Variants in LRRC19 observed in about 807,000 individuals in gnomAD.
LRRC19 encodes the protein leucine-rich repeat-containing protein 19.
A neutral mutation model predicts 33.3 loss-of-function variants in LRRC19; 33 were observed. The ratio of observed to expected loss-of-function variants is 0.99; its 90% CI spans 0.75 to 1.33. LRRC19 has a LOEUF of 1.33. LRRC19 is among the 40% of genes most tolerant of loss of function. The pLI, the probability that LRRC19 is intolerant of heterozygous loss-of-function variation, is 0.00. For synonymous variants in LRRC19, 184 were observed against 152.3 expected (o/e 1.21, Z -1.53); for missense variants, 463 against 417.3 (o/e 1.11, Z -0.95).
At chr9:26,997,451 A>T (rs1273758101) in intron 3 of LRRC19, among the ~76,000 whole-genome samples, 1 of 148,474 alleles carries the variant, frequency 6.7e-6, no homozygotes, top group South Asian at 2.1e-4. Flanking sequence ...CTCCCACCTC[A>T]GCCTCCTGAG....
chr9:26,999,770 CTTTTTTTTTTTT>C, intron 1 of LRRC19, 67 bp from the exon 2 acceptor site: 4 of 339,604 alleles, frequency 1.2e-5, no homozygotes, highest in East Asian at 7.9e-5. Context: ...TCTGTTTATT[CTTTTTTTTTTTT>C]TTTTTTTTTG....
chr9:26,999,691 T>G lies in LRRC19; in HGVS notation c.4A>C (p.Lys2Gln). Residue 2 changes from lysine to glutamine, a missense_variant, in exon 2 of 5, where the codon AAA (lysine) becomes CAA (glutamine). Transcript: ENST00000380055. The part of the protein sequence containing the change: M[K>Q]VTGITILFWP... ...AAGAGGATTGTGATGCCTGTGACTT[T>G]CATGTTGCAGACCTGATAGAAAAGA... is the stretch of plus-strand genomic sequence containing the variant. 1 of 1,606,838 alleles carries G rather than the reference T, an allele frequency of 6.2e-7. No individual in the cohort carries two copies. The highest frequency in any genetic ancestry group is 8.5e-7 in the Non-Finnish European group (1 of 1,176,000).
chr9:27,000,519 G>A (rs1032530774), intron 1 of LRRC19, among the ~76,000 whole-genome samples: 3 of 152,112 alleles, frequency 2.0e-5, no homozygotes, highest in Admixed American at 6.6e-5. Flanking sequence ...TTGAGGCGTG[G>A]TAGATATACA....
intron 1 of LRRC19, among the ~76,000 whole-genome samples, chr9:27,001,761 G>T (rs1260682536): frequency 6.6e-6 from 1 of 151,744 alleles, no homozygotes; most frequent in Non-Finnish European, 1.5e-5. Flanking sequence ...TTCTCATTCC[G>T]TGGGTTGTCT....
intron 1 of LRRC19, among the ~76,000 whole-genome samples, chr9:27,004,287 T>G (rs1828662075): frequency 6.6e-6 from 1 of 152,194 alleles, no homozygotes; most frequent in South Asian, 2.1e-4. Context: ...AGAAAAGGAT[T>G]TTTTTTCCTT....
At position 26,994,332 on chromosome 9, in the gene LRRC19, T is replaced by C. The variant is rs1373326831; in HGVS notation, c.*1189A>G. 1 of 151,890 alleles carries C rather than the reference T, an allele frequency of 6.6e-6. No homozygotes were observed. Among genetic ancestry groups the C allele is most frequent in the Admixed American group, 6.6e-5 (1 of 15,216 alleles). 9.4% of individuals were successfully genotyped at this position (151,890 alleles called of 1,614,324 possible). A position where few individuals can be genotyped will look rare whatever the true frequency, so the allele number is the denominator to read the frequency against. The stretch of plus-strand genomic sequence containing the variant: ...GGCGGGTAGATCATGAGGTCAGGCG[T>C]TCGAGACCAGCCTGGCCAACATGGT... On this transcript the variant is annotated 3_prime_UTR_variant, in exon 5 of 5. Transcript: ENST00000380055.
intron 3 of LRRC19, among the ~76,000 whole-genome samples, chr9:26,996,956 A>G (rs1828188772): frequency 6.6e-6 from 1 of 152,200 alleles, no homozygotes. Context: ...CATGCCTGTA[A>G]TCCCAGCACT....
At chr9:27,001,954 T>A (rs1357033626) in intron 1 of LRRC19, among the ~76,000 whole-genome samples, 3 of 150,986 alleles carry the variant, frequency 2.0e-5, no homozygotes, top group South Asian at 2.1e-4. Flanking sequence ...TTTTTTTTTT[T>A]AAATAAAGAA....
In LRRC19 at chr9:26,995,793, G is replaced by A. The variant is rs781253604; in HGVS notation, c.841C>T (p.Leu281=). ...AFLVGVVVTV[L]TTSLLIFIAI... ...ATAAAAATGAGAAGTGAAGTCGTCA[G>A]TACAGTGACAACAACACCAACAAGA... Residue 281 remains leucine (L), a synonymous_variant, in exon 5 of 5, where the codon CTG becomes TTG. Transcript: ENST00000380055. The A allele has an allele frequency of 6.2e-7, 1 of 1,613,262 alleles. No homozygotes were observed. Among genetic ancestry groups the A allele is most frequent in the Admixed American group, 1.7e-5 (1 of 59,940 alleles).
rs1371753812 is a variant in LRRC19, at chr9:26,994,479, G to T, written c.*1042C>A. On this transcript the variant is annotated 3_prime_UTR_variant, in exon 5 of 5. Transcript: ENST00000380055. ...TTGAACCCAGGAGGCGGAGGTTGCA[G>T]TGATCTGAGACTGCGCTGCTGCAGT... 1 of 150,252 alleles carries T rather than the reference G, an allele frequency of 6.7e-6. No individual in the cohort carries two copies. The highest frequency in any genetic ancestry group is 2.5e-5 in the African/African-American group (1 of 40,780). 9.3% of individuals were successfully genotyped at this position (150,252 alleles called of 1,614,324 possible).
At chr9:27,004,554 A>G (rs762121609) in intron 1 of LRRC19, among the ~76,000 whole-genome samples, 84 of 152,214 alleles carry the variant, frequency 5.5e-4, no homozygotes, top group Non-Finnish European at 7.9e-4. Flanking sequence ...GGTGTCTTTA[A>G]AAAAAGAAAA....
Position 26,997,969 on chromosome 9 carries a change from T to C in LRRC19, c.354A>G (p.Leu118=). ...SIYVIQQGAF[L]GLNKLKQLYL... is the part of the protein sequence containing the mutation. ...ATAACTGTTTTAGTTTATTTAAGCC[T>C]AAAAATGCACCCTGTTGAATTACAT... Residue 118 remains leucine, a synonymous_variant, in exon 3 of 5, where the codon TTA becomes TTG. Coordinates refer to ENST00000380055, the MANE Select transcript of LRRC19 (RefSeq NM_022901.3). The C allele has an allele frequency of 1.2e-6, 2 of 1,613,942 alleles. 1 individual carries two copies.
chr9:26,996,389 C>G lies in LRRC19; in HGVS notation c.706G>C (p.Glu236Gln). The change falls in exon 4 of 5, where the codon GAA becomes CAA. Residue 236 changes from glutamate to glutamine, a missense_variant. By Grantham distance (29) the Glu-to-Gln change is conservative. Coordinates refer to ENST00000380055, the MANE Select transcript of LRRC19 (RefSeq NM_022901.3). Reference protein sequence around the residue: ...CHSKFPSSVTEDLYIHFQPIS... With the variant: ...CHSKFPSSVTQDLYIHFQPIS... ...GGCTGAAAATGAATATAAAGATCTTCAGTTACTGATGAAGGAAATTTTGAG... is the reference window on the plus strand; with the variant it reads ...GGCTGAAAATGAATATAAAGATCTTGAGTTACTGATGAAGGAAATTTTGAG... The G allele has an allele frequency of 6.2e-7, 1 of 1,610,662 alleles. No homozygotes were observed. Among genetic ancestry groups the G allele is most frequent in the South Asian group, 1.1e-5 (1 of 90,616 alleles).
chr9:27,003,840 A>G (rs1828633542), intron 1 of LRRC19, among the ~76,000 whole-genome samples: 1 of 152,212 alleles, frequency 6.6e-6, no homozygotes. Flanking sequence ...ATGATTGCCC[A>G]TAGAAGAGGG....
At position 26,997,966 on chromosome 9, in the gene LRRC19, G is replaced by C. The variant is rs749932382; in HGVS notation, c.357C>G (p.Gly119=). The C allele has an allele frequency of 3.1e-5, 50 of 1,613,808 alleles. No individual in the cohort carries two copies. Among genetic ancestry groups the C allele is most frequent in the Middle Eastern group, 1.6e-4 (1 of 6,062 alleles). Residue 119 remains glycine, a synonymous_variant, in exon 3 of 5, where the codon GGC becomes GGG. Coordinates refer to ENST00000380055, the MANE Select transcript of LRRC19 (RefSeq NM_022901.3). ...GATATAACTGTTTTAGTTTATTTAA[G>C]CCTAAAAATGCACCCTGTTGAATTA... ...IYVIQQGAFL[G]LNKLKQLYLC... is the part of the protein sequence containing the mutation.
Position 26,995,792 on chromosome 9 carries a change from A to G in LRRC19, c.842T>C (p.Leu281Pro). ...AFLVGVVVTV[L>P]TTSLLIFIAI... ...AATAAAAATGAGAAGTGAAGTCGTC[A>G]GTACAGTGACAACAACACCAACAAG... The change falls in exon 5 of 5, where the codon CTG becomes CCG. Residue 281 changes from leucine to proline, a missense_variant. Transcript: ENST00000380055. 1 of 1,613,568 alleles carries G rather than the reference A, an allele frequency of 6.2e-7. No homozygotes were observed.
intron 1 of LRRC19, among the ~76,000 whole-genome samples, chr9:27,001,469 G>A (rs373282554): frequency 3.3e-5 from 5 of 152,054 alleles, no homozygotes; most frequent in Non-Finnish European, 5.9e-5. Flanking sequence ...ACCAGCATCC[G>A]TTATTGCCTG....
At position 26,993,527 on chromosome 9, in the gene LRRC19, T is replaced by G. The variant is rs1239762848; in HGVS notation, c.*1994A>C. 1 of 152,578 alleles carries G rather than the reference T, an allele frequency of 6.6e-6. No homozygotes were observed. The highest frequency in any genetic ancestry group is 2.4e-5 in the African/African-American group (1 of 41,446). 9.5% of individuals were successfully genotyped at this position (152,578 alleles called of 1,614,324 possible). On this transcript the variant is annotated 3_prime_UTR_variant, in exon 5 of 5. Coordinates refer to ENST00000380055, the MANE Select transcript of LRRC19 (RefSeq NM_022901.3). ...ATATCATCCTAGTTTTTATTTTCTC[T>G]CAGTAGACATTTGTATTGAATTTAC...
chr9:26,998,038 G>A lies in LRRC19; in HGVS notation c.285C>T (p.Asn95=). The change falls in exon 3 of 5, where the codon AAC becomes AAT. Residue 95 remains asparagine (N), a synonymous_variant. Coordinates refer to ENST00000380055, the MANE Select transcript of LRRC19 (RefSeq NM_022901.3). ...VTILHNNGFG[N]LSSLEILNIC... is the part of the protein sequence containing the mutation. ...TATTTAAAATTTCTAGACTGGAGAGGTTACCAAAACCGTTATTATGTAAGA... is the reference window on the plus strand; with the variant it reads ...TATTTAAAATTTCTAGACTGGAGAGATTACCAAAACCGTTATTATGTAAGA... 6.2e-7 allele frequency: 1 copy of A among 1,613,690 alleles called. No homozygotes were observed. Among genetic ancestry groups the A allele is most frequent in the Non-Finnish European group, 8.5e-7 (1 of 1,179,776 alleles).
Sources: allele counts gnomAD v4.1 joint callset (sites outside exome capture counted in the v4.1 genomes callset), GRCh38; gene constraint gnomAD v4.1.1; transcripts MANE v1.5; gene names NCBI Gene and HGNC (gene_info 2026-07-23, HGNC 2026-07-21).